Variants in NAA30 observed in about 807,000 individuals in gnomAD.
The protein encoded by NAA30 is N-alpha-acetyltransferase 30, NatC catalytic subunit, also known as N-alpha-acetyltransferase 30.
A neutral mutation model predicts 31.4 loss-of-function variants in NAA30; 5 were observed. That is an observed-to-expected ratio of 0.16 (90% CI 0.08 to 0.33). The LOEUF (loss-of-function observed/expected upper bound fraction) is 0.33. Ranked by LOEUF, NAA30 falls within the 10% of genes least tolerant of loss-of-function variation. The pLI, the probability that NAA30 is intolerant of heterozygous loss-of-function variation, is 1.00. For synonymous variants in NAA30, 222 were observed against 207.1 expected (o/e 1.07, Z -0.62); for missense variants, 428 against 490.8 (o/e 0.87, Z 1.21).
intron 2 of NAA30, among the ~76,000 whole-genome samples, chr14:57,394,648 T>A (rs2066443312): frequency 6.6e-6 from 1 of 152,124 alleles, no homozygotes; most frequent in Non-Finnish European, 1.5e-5. Flanking sequence ...ACAGCTTGAT[T>A]TTTGCTCCTA....
intron 4 of NAA30, among the ~76,000 whole-genome samples, chr14:57,401,674 G>A (rs1309477111): frequency 6.6e-6 from 1 of 152,200 alleles, no homozygotes; most frequent in East Asian, 1.9e-4. Flanking sequence ...AGAGTATTAT[G>A]TTCCCTATGA....
rs934559689 is a variant in NAA30, at chr14:57,412,139, T to G, written c.*2623T>G. 6.6e-6 allele frequency: 1 copy of G among 152,174 alleles called. No individual in the cohort carries two copies. The highest frequency in any genetic ancestry group is 1.5e-5 in the Non-Finnish European group (1 of 68,016). The allele number at this position is 152,174 out of a possible 1,614,324, so 9.4% of individuals were successfully genotyped here. ...TGGGCTGATTATAATTTCCTGTATT[T>G]CCTGTACATTGGGATGAAACTACTT... On this transcript the variant is annotated 3_prime_UTR_variant, in exon 5 of 5. Coordinates refer to ENST00000556492, the MANE Select transcript of NAA30 (RefSeq NM_001011713.3).
chr14:57,391,444 G>T lies in NAA30; in HGVS notation c.487G>T (p.Ala163Ser), dbSNP rs1566547430. 6.2e-7 allele frequency: 1 copy of T among 1,607,932 alleles called. No individual in the cohort carries two copies. The highest frequency in any genetic ancestry group is 8.5e-7 in the Non-Finnish European group (1 of 1,177,404). Residue 163 changes from alanine (A) to serine (S), a missense_variant, in exon 2 of 5, where the codon GCG (alanine) becomes TCG (serine). Physicochemically the swap from Ala to Ser is moderately conservative, Grantham distance 99. Coordinates refer to ENST00000556492, the MANE Select transcript of NAA30 (RefSeq NM_001011713.3). The surrounding 1 kb of genome is among the most constrained non-coding windows in gnomAD (Gnocchi z 4.1). ...GGAGGCAGCGGCGGCGAGCGATCCC[G>T]CGGCGGCCCGCAATGGACTGGCCGA... ...PVEAAAASDP[A>S]AARNGLAEGT... is the part of the protein sequence containing the mutation.
intron 2 of NAA30, among the ~76,000 whole-genome samples, chr14:57,395,707 G>A (rs118081567): frequency 0.01 from 1,597 of 152,132 alleles, 22 homozygotes; most frequent in Non-Finnish European, 0.016. Flanking sequence ...TAAAATTAAA[G>A]CTTTTAACAT....
chr14:57,394,850 T>C (rs893414620), intron 2 of NAA30, among the ~76,000 whole-genome samples: 3 of 152,174 alleles, frequency 2.0e-5, no homozygotes, highest in African/African-American at 7.2e-5. Flanking sequence ...GGTGTAGCTA[T>C]TCTGAGGTTT....
chr14:57,411,405 A>G lies in NAA30; in HGVS notation c.*1889A>G, dbSNP rs551484759. The G allele has an allele frequency of 6.6e-6, 1 of 152,310 alleles. No individual in the cohort carries two copies. Among genetic ancestry groups the G allele is most frequent in the South Asian group, 2.1e-4 (1 of 4,830 alleles). 9.4% of individuals were successfully genotyped at this position (152,310 alleles called of 1,614,324 possible). A position where few individuals can be genotyped will look rare whatever the true frequency, so the allele number is the denominator to read the frequency against. On this transcript the variant is annotated 3_prime_UTR_variant, in exon 5 of 5. Transcript: ENST00000556492. ...GCTTTTGTTATTTAATATGAAGGAA[A>G]TGGAACTAAAACATTTATGTCATCA... is the stretch of plus-strand genomic sequence containing the variant.
intron 3 of NAA30, among the ~76,000 whole-genome samples, chr14:57,398,901 T>G (rs1187267631): frequency 6.6e-6 from 1 of 152,192 alleles, no homozygotes; most frequent in East Asian, 1.9e-4. Context: ...CCTCCCAAAG[T>G]GCTGGGATTA....
intron 3 of NAA30, among the ~76,000 whole-genome samples, chr14:57,397,551 G>A (rs554875696): frequency 1.1e-4 from 17 of 152,286 alleles, no homozygotes; most frequent in African/African-American, 3.6e-4. Flanking sequence ...CTAGGTGACT[G>A]TGATGTAAGC....
chr14:57,403,439 A>G (rs776099591), intron 4 of NAA30, among the ~76,000 whole-genome samples: 1 of 152,210 alleles, frequency 6.6e-6, no homozygotes, highest in Non-Finnish European at 1.5e-5. Context: ...GTTTTTCTCC[A>G]AATAATGCTG....
At chr14:57,403,897 G>T (rs1566550646) in intron 4 of NAA30, among the ~76,000 whole-genome samples, 1 of 152,152 alleles carries the variant, frequency 6.6e-6, no homozygotes, top group Non-Finnish European at 1.5e-5. Context: ...TAGAATATGG[G>T]CAGGTGATTG....
chr14:57,399,770 T>G, intron 3 of NAA30, 58 bp from the exon 4 acceptor site: 1 of 901,010 alleles, frequency 1.1e-6, no homozygotes, highest in Non-Finnish European at 1.8e-6. Flanking sequence ...ATATTATAAT[T>G]TAGGTTATCT....
In NAA30 at chr14:57,391,207, C is replaced by T. The variant is rs1386346591; in HGVS notation, c.250C>T (p.Leu84Phe). 1.2e-6 allele frequency: 2 copies of T among 1,611,890 alleles called. No individual in the cohort carries two copies. Among genetic ancestry groups the T allele is most frequent in the African/African-American group, 2.7e-5 (2 of 74,944 alleles). The part of the protein sequence containing the change: ...CPQPPQEQQQ[L>F]NGLISPELRH... Reference sequence around the variant, plus strand: ...TCAGCCGCCGCAGGAGCAGCAGCAGCTCAACGGATTGATTAGCCCCGAACT... The same window carrying T: ...TCAGCCGCCGCAGGAGCAGCAGCAGTTCAACGGATTGATTAGCCCCGAACT... The change falls in exon 2 of 5, where the codon CTC becomes TTC. Residue 84 changes from leucine to phenylalanine, a missense_variant. Coordinates refer to ENST00000556492, the MANE Select transcript of NAA30 (RefSeq NM_001011713.3). This position sits in a 1 kb window ranked among gnomAD's most constrained non-coding sequence, Gnocchi z 4.1.
rs1486772843 is a variant in NAA30 at position 57,413,162 on chromosome 14, C to CA, written c.*3648dup. The CA allele has an allele frequency of 6.8e-6, 1 of 146,106 alleles. No homozygotes were observed. Among genetic ancestry groups the CA allele is most frequent in the Non-Finnish European group, 1.5e-5 (1 of 66,490 alleles). 9.1% of individuals were successfully genotyped at this position (146,106 alleles called of 1,614,324 possible). A position where few individuals can be genotyped will look rare whatever the true frequency, so the allele number is the denominator to read the frequency against. On this transcript the variant is annotated 3_prime_UTR_variant, in exon 5 of 5. Transcript: ENST00000556492. ...GGTAAGACACCAAAGTAAAATAGAGCAATATCCAAAGAGCTTTTTGCCCCT... is the reference window on the plus strand; with the variant it reads ...GGTAAGACACCAAAGTAAAATAGAGCAAATATCCAAAGAGCTTTTTGCCCCT...
rs2139767392 is a variant in NAA30 at position 57,409,625 on chromosome 14, C to T, written c.*109C>T. On this transcript the variant is annotated 3_prime_UTR_variant, in exon 5 of 5. Transcript: ENST00000556492. ...TGGATTTAGTAATTTCCATGCAGCT[C>T]TTACCTGTCAGTGTCTCATTGAGTG... The T allele has an allele frequency of 9.2e-7, 1 of 1,092,556 alleles. No homozygotes were observed. The allele number at this position is 1,092,556 out of a possible 1,614,324, so 67.7% of individuals were successfully genotyped here. A position where few individuals can be genotyped will look rare whatever the true frequency, so the allele number is the denominator to read the frequency against.
intron 4 of NAA30, among the ~76,000 whole-genome samples, chr14:57,405,930 A>AT (rs933914997): frequency 6.6e-6 from 1 of 151,408 alleles, no homozygotes; most frequent in Non-Finnish European, 1.5e-5. Flanking sequence ...TTTCACTGTA[A>AT]TTTTTTTTTC....
chr14:57,401,566 G>C (rs1433837858), intron 4 of NAA30, among the ~76,000 whole-genome samples: 1 of 152,176 alleles, frequency 6.6e-6, no homozygotes, highest in Non-Finnish European at 1.5e-5. Context: ...GAAAAGTCAG[G>C]TTTCACAAAA....
At chr14:57,394,051 C>G (rs1383138396) in intron 2 of NAA30, among the ~76,000 whole-genome samples, 1 of 150,042 alleles carries the variant, frequency 6.7e-6, no homozygotes, top group Non-Finnish European at 1.5e-5. Context: ...TACAAAATTG[C>G]CAATACTTGA....
intron 4 of NAA30, 69 bp from the exon 5 acceptor site, chr14:57,409,310 T>A: frequency 8.0e-7 from 1 of 1,245,098 alleles, no homozygotes; most frequent in East Asian, 2.6e-5. Context: ...TTTTAAAAAA[T>A]TGTTTAGTTG....
intron 1 of NAA30, 37 bp from the exon 2 acceptor site, chr14:57,390,920 T>C: frequency 6.9e-7 from 1 of 1,447,984 alleles, no homozygotes; most frequent in Admixed American, 2.8e-5. Context: ...CTCGGCCGGG[T>C]TTCATGGCCT....
Sources: gnomAD v4.1 joint callset for allele counts (sites outside exome capture counted in the v4.1 genomes callset) on GRCh38, gnomAD v4.1.1 for gene constraint, Gnocchi (gnomAD v3.1) non-coding constraint, MANE v1.5 for transcripts, NCBI Gene and HGNC (gene_info 2026-07-23, HGNC 2026-07-21) for gene names.